Variants in ITPR2 observed in about 807,000 individuals in gnomAD.
The protein encoded by ITPR2 is inositol 1,4,5-trisphosphate-gated calcium channel ITPR2.
In ITPR2, 207 loss-of-function variants were observed where a neutral mutation model predicts 317.1. That is an observed-to-expected ratio of 0.65 (90% CI 0.58 to 0.73). The LOEUF (loss-of-function observed/expected upper bound fraction) is 0.73. Ranked by LOEUF, ITPR2 falls within the 30% of genes least tolerant of loss-of-function variation. The pLI, the probability that ITPR2 is intolerant of heterozygous loss-of-function variation, is 0.00. For synonymous variants in ITPR2, 1,156 were observed against 1,149.1 expected, an observed-to-expected ratio of 1.01 and a Z score of -0.12; for missense variants, 2,613 against 3,284.0, an observed-to-expected ratio of 0.80 and a Z score of 4.99.
At chr12:26,562,019 C>T (rs1293057105) in intron 34 of ITPR2, 67 bp from the exon 35 acceptor site, 1 of 1,106,040 alleles carries the variant, frequency 9.0e-7, no homozygotes, top group African/African-American at 1.7e-5. Context: ...ATTATCCATA[C>T]AATCTTATAA....
intron 35 of ITPR2, 110 bp from the exon 36 acceptor site, chr12:26,556,485 A>T: frequency 1.0e-6 from 1 of 974,718 alleles, no homozygotes; most frequent in South Asian, 1.7e-5. Context: ...ATGCCCCTCT[A>T]TTTCCATAGC....
chr12:26,457,923 G>A (rs979476472), intron 45 of ITPR2, among the ~76,000 whole-genome samples: 11 of 152,262 alleles, frequency 7.2e-5, no homozygotes, highest in South Asian at 2.1e-4. Context: ...AAGTAAGTAC[G>A]TATTGTGCTC....
chr12:26,555,194 A>C (rs1944629309), intron 36 of ITPR2, among the ~76,000 whole-genome samples: 1 of 152,164 alleles, frequency 6.6e-6, no homozygotes, highest in Admixed American at 6.5e-5. Context: ...TTCACTCCCA[A>C]GGTTCCAGCT....
chr12:26,792,338 CAT>C (rs1276683232), intron 1 of ITPR2, among the ~76,000 whole-genome samples: 2 of 151,570 alleles, frequency 1.3e-5, no homozygotes, highest in Non-Finnish European at 2.9e-5. Context: ...TGTTACAAGA[CAT>C]ATATGATCAC....
In ITPR2 at chr12:26,486,316, A is replaced by G. The variant is rs1320382018; in HGVS notation, c.5599T>C (p.Leu1867=). Residue 1867 remains leucine (L), a synonymous_variant, in exon 41 of 57, where the codon TTA becomes CTA. Coordinates refer to ENST00000381340, the MANE Select transcript of ITPR2 (RefSeq NM_002223.4). ...LHLKEGMKGQ[L]TEASSATSKA... ...GATGTTGCTGAAGAAGCTTCTGTTA[A>G]TTGCCCTTTCATTCCCTCTTTTAAA... 8 of 1,613,288 alleles carry G rather than the reference A, an allele frequency of 5.0e-6. No homozygotes were observed. The highest frequency in any genetic ancestry group is 5.9e-6 in the Non-Finnish European group (7 of 1,179,430).
chr12:26,542,101 G>C (rs1944279834), intron 37 of ITPR2, among the ~76,000 whole-genome samples: 1 of 152,142 alleles, frequency 6.6e-6, no homozygotes, highest in Non-Finnish European at 1.5e-5. Context: ...ACTTCAACAA[G>C]GGGCTATCTC....
At chr12:26,538,079 C>A (rs1944149118) in intron 37 of ITPR2, among the ~76,000 whole-genome samples, 1 of 152,194 alleles carries the variant, frequency 6.6e-6, no homozygotes, top group South Asian at 2.1e-4. Context: ...AAATTGATAT[C>A]ATCATAGAAT....
Position 26,483,883 on chromosome 12 carries a change from G to A in ITPR2, c.5827C>T (p.Gln1943Ter). The change falls in exon 42 of 57, where the codon CAA becomes TAA. Residue 1943 changes from glutamine to a stop codon, truncating the protein, a stop_gained. Coordinates refer to ENST00000381340, the MANE Select transcript of ITPR2 (RefSeq NM_002223.4). LOFTEE classifies it high-confidence loss of function. ...NRELQNFLRN[Q>*]NNKTNYNLVC... Reference sequence around the variant, plus strand: ...AGGTTGTAATTTGTTTTGTTGTTTTGATTCCTCAAGAAGTTCTGAAGGCAA... The same window carrying A: ...AGGTTGTAATTTGTTTTGTTGTTTTAATTCCTCAAGAAGTTCTGAAGGCAA... 6.2e-7 allele frequency: 1 copy of A among 1,613,986 alleles called. No homozygotes were observed. Among genetic ancestry groups the A allele is most frequent in the South Asian group, 1.1e-5 (1 of 91,072 alleles).
rs371570385 is a variant in ITPR2, at chr12:26,387,405, T to G, written c.7857+29A>C. The stretch of plus-strand genomic sequence containing the variant: ...TGAAAGCCTAAAAGATACAATATAG[T>G]CACAAATTAAAACCTTCTGGTCACT... On this transcript the variant is annotated intron_variant, in intron 55 of 56. Transcript: ENST00000381340. The G allele has an allele frequency of 2.8e-4, 445 of 1,606,150 alleles. 1 individual carries two copies. In the African/African-American group the frequency reaches 5.2e-3, roughly 19 times the overall value.
At chr12:26,471,535 T>C (rs922090455) in intron 45 of ITPR2, among the ~76,000 whole-genome samples, 2 of 152,134 alleles carry the variant, frequency 1.3e-5, no homozygotes, top group Non-Finnish European at 2.9e-5. Context: ...GTACTTATAG[T>C]TTTATGTAGA....
chr12:26,627,068 A>C (rs760048585), intron 23 of ITPR2, among the ~76,000 whole-genome samples: 3 of 152,254 alleles, frequency 2.0e-5, no homozygotes, highest in Non-Finnish European at 4.4e-5. Context: ...TCAGAGATAA[A>C]TTAGCTTCAT....
chr12:26,768,571 TAAAAAAAA>T (rs879291062), intron 2 of ITPR2, among the ~76,000 whole-genome samples: 3 of 96,164 alleles, frequency 3.1e-5, no homozygotes, highest in East Asian at 4.3e-4. Context: ...CAAATATATA[TAAAAAAAA>T]AAAAAAAAAA....
intron 55 of ITPR2, among the ~76,000 whole-genome samples, chr12:26,362,357 G>GCA (rs552316318): frequency 0.014 from 2,162 of 152,252 alleles, 20 homozygotes; most frequent in Non-Finnish European, 0.023. Flanking sequence ...TGAGACCTAA[G>GCA]CACCAGCAGA....
At chr12:26,589,647 C>T (rs1039101540) in intron 32 of ITPR2, among the ~76,000 whole-genome samples, 1 of 145,540 alleles carries the variant, frequency 6.9e-6, no homozygotes, top group Non-Finnish European at 1.5e-5. Flanking sequence ...ATTAGTCAGG[C>T]GTGGTGGCGG....
chr12:26,694,114 A>G (rs539175157), intron 10 of ITPR2, among the ~76,000 whole-genome samples: 3 of 152,326 alleles, frequency 2.0e-5, no homozygotes, highest in South Asian at 2.1e-4. Flanking sequence ...CTGACATCCA[A>G]TAGGTGGTCT....
chr12:26,461,691 TACACACAC>T lies in ITPR2; in HGVS notation c.6342+13597_6342+13604del, dbSNP rs10580959. Among the ~76,000 whole-genome samples, 155 of 123,730 alleles carry T rather than the reference TACACACAC, an allele frequency of 1.3e-3. 2 individuals carry two copies. The highest frequency in any genetic ancestry group is 1.4e-3 in the Admixed American group (18 of 12,598). 81.2% of individuals were successfully genotyped at this position (123,730 alleles called of 152,430 possible). On this transcript the variant is annotated intron_variant, in intron 45 of 56. Transcript: ENST00000381340. The stretch of plus-strand genomic sequence containing the variant: ...ATATATGCACACATACATATATATA[TACACACAC>T]ACACACACACACACACACATACATA...
chr12:26,609,786 G>A (rs1946222814), intron 26 of ITPR2, among the ~76,000 whole-genome samples: 1 of 152,144 alleles, frequency 6.6e-6, no homozygotes, highest in South Asian at 2.1e-4. Flanking sequence ...CATTCTGGAA[G>A]TATAATTGTT....
chr12:26,364,429 A>G (rs1045501906), intron 55 of ITPR2, among the ~76,000 whole-genome samples: 5 of 152,232 alleles, frequency 3.3e-5, no homozygotes, highest in Non-Finnish European at 7.3e-5. Context: ...ATGAATGAAC[A>G]TTCACAATAA....
At chr12:26,381,177 A>T (rs527340808) in intron 55 of ITPR2, among the ~76,000 whole-genome samples, 1 of 152,284 alleles carries the variant, frequency 6.6e-6, no homozygotes, top group South Asian at 2.1e-4. Context: ...CAGCCCTCTG[A>T]TTTGGGTCAA....
Sources: gnomAD v4.1 joint callset for allele counts (sites outside exome capture counted in the v4.1 genomes callset) on GRCh38, gnomAD v4.1.1 for gene constraint, MANE v1.5 for transcripts, NCBI Gene and HGNC (gene_info 2026-07-23, HGNC 2026-07-21) for gene names.